SUGCT: variants seen among roughly 807,000 people sequenced by gnomAD.
SUGCT encodes the protein succinyl-CoA:glutarate-CoA transferase.
A neutral mutation model predicts 55.0 loss-of-function variants in SUGCT; 41 were observed. The observed-to-expected ratio is 0.74, with a 90% CI of 0.58 to 0.97. SUGCT has a LOEUF of 0.97. Among genes scored for constraint, SUGCT ranks in the 50% least tolerant of loss-of-function variants. The pLI is 0.00. For synonymous variants in SUGCT, 187 were observed against 200.4 expected (o/e 0.93, Z 0.56); for missense variants, 568 against 547.8 (o/e 1.04, Z -0.37).
chr7:40,846,207 T>A (rs1473547781), intron 13 of SUGCT, among the ~76,000 whole-genome samples: 1 of 152,178 alleles, frequency 6.6e-6, no homozygotes, highest in Non-Finnish European at 1.5e-5. Flanking sequence ...CCAAACAAAG[T>A]CTTGGGAATG....
At chr7:40,303,397 A>G (rs532431092) in intron 8 of SUGCT, among the ~76,000 whole-genome samples, 1 of 151,410 alleles carries the variant, frequency 6.6e-6, no homozygotes, top group East Asian at 2.0e-4. Flanking sequence ...AAACATTGGA[A>G]CTCTCTTTGT....
intron 12 of SUGCT, among the ~76,000 whole-genome samples, chr7:40,660,366 C>G (rs1801242284): frequency 6.6e-6 from 1 of 152,158 alleles, no homozygotes; most frequent in Non-Finnish European, 1.5e-5. Context: ...TGAAGCAATT[C>G]TCCTGCCTCA....
chr7:40,291,370 C>T (rs1245828265), intron 8 of SUGCT, among the ~76,000 whole-genome samples: 1 of 150,688 alleles, frequency 6.6e-6, no homozygotes, highest in Non-Finnish European at 1.5e-5. Context: ...ATGGATGAAA[C>T]TGGAAACCAT....
chr7:40,801,204 C>T (rs139049868), intron 13 of SUGCT, among the ~76,000 whole-genome samples: 1,559 of 152,286 alleles, frequency 0.01, 17 homozygotes, highest in South Asian at 0.016. Context: ...TGAAGACCTT[C>T]GTTACTTCTA....
the SUGCT span, among the ~76,000 whole-genome samples, chr7:40,896,769 G>A: frequency 1.9e-4 from 29 of 152,120 alleles, no homozygotes; most frequent in African/African-American, 7.0e-4. Context: ...TGTGAGAATG[G>A]ACTAATACAC....
At chr7:40,919,632 T>G in the SUGCT span, among the ~76,000 whole-genome samples, 1 of 152,146 alleles carries the variant, frequency 6.6e-6, no homozygotes, top group Non-Finnish European at 1.5e-5. Context: ...GTTTCTTAAT[T>G]TATCTTTTAT....
intron 13 of SUGCT, among the ~76,000 whole-genome samples, chr7:40,776,871 C>T (rs1382234097): frequency 6.6e-6 from 1 of 152,174 alleles, no homozygotes; most frequent in Non-Finnish European, 1.5e-5. Flanking sequence ...AGGGCCCTAC[C>T]AGTCATTTGG....
intron 9 of SUGCT, among the ~76,000 whole-genome samples, chr7:40,377,198 CT>C (rs376287161): frequency 0.58 from 9,535 of 16,378 alleles, 3,883 homozygotes; most frequent in Middle Eastern, 0.86. Flanking sequence ...TTCTTTCTTT[CT>C]TTTCTTTTCT....
chr7:40,809,244 A>G (rs933973064), intron 13 of SUGCT, among the ~76,000 whole-genome samples: 1 of 152,166 alleles, frequency 6.6e-6, no homozygotes, highest in African/African-American at 2.4e-5. Flanking sequence ...GAATATTGTA[A>G]GTGCTAAGTC....
intron 6 of SUGCT, among the ~76,000 whole-genome samples, chr7:40,217,027 T>C (rs1787704090): frequency 6.6e-6 from 1 of 152,082 alleles, no homozygotes; most frequent in Admixed American, 6.6e-5. Context: ...CTCAGTCTTA[T>C]ATTGAATGGC....
chr7:40,341,490 C>A (rs2151177764), intron 9 of SUGCT, among the ~76,000 whole-genome samples: 1 of 152,264 alleles, frequency 6.6e-6, no homozygotes, highest in East Asian at 1.9e-4. Context: ...CTTGGGATTT[C>A]TGCTGGGCCT....
intron 12 of SUGCT, among the ~76,000 whole-genome samples, chr7:40,564,928 A>C (rs1230875310): frequency 3.3e-5 from 5 of 152,188 alleles, no homozygotes; most frequent in Non-Finnish European, 7.3e-5. Flanking sequence ...CTAGGTAAAA[A>C]TCACTTGCTA....
In SUGCT at chr7:40,348,927, A is replaced by G. The variant is rs111459409; in HGVS notation, c.816+32072A>G. ...TATTTCCCTGAGTTGTTTTGAGTGGATAAGCAGACACTTTTTATAATTTGC... is the reference window on the plus strand; with the variant it reads ...TATTTCCCTGAGTTGTTTTGAGTGGGTAAGCAGACACTTTTTATAATTTGC... On this transcript the variant is annotated intron_variant, in intron 9 of 13. Coordinates refer to ENST00000335693, the MANE Select transcript of SUGCT (RefSeq NM_001193313.2). 1.9e-3 allele frequency among the ~76,000 whole-genome samples: 294 copies of G among 152,026 alleles called. 1 individual carries two copies. Among genetic ancestry groups the G allele is most frequent in the African/African-American group, 6.7e-3 (276 of 41,462 alleles).
At chr7:40,733,327 C>A (rs1481005692) in intron 12 of SUGCT, among the ~76,000 whole-genome samples, 1 of 152,102 alleles carries the variant, frequency 6.6e-6, no homozygotes, top group African/African-American at 2.4e-5. Flanking sequence ...TATCAGTGAC[C>A]CTGCTCTACT....
chr7:40,996,393 C>T, the SUGCT span, among the ~76,000 whole-genome samples: 16 of 152,164 alleles, frequency 1.1e-4, no homozygotes, highest in African/African-American at 2.7e-4. Flanking sequence ...TTCCATTTCC[C>T]GGTCACAGTT....
At chr7:40,186,153 CT>C (rs1415647840) in intron 3 of SUGCT, among the ~76,000 whole-genome samples, 4 of 140,988 alleles carry the variant, frequency 2.8e-5, no homozygotes, top group Non-Finnish European at 6.0e-5. Flanking sequence ...CTCTCTCCTT[CT>C]TTTCCTTCCT....
chr7:40,406,286 AT>A (rs758722539), intron 9 of SUGCT, among the ~76,000 whole-genome samples: 3 of 152,062 alleles, frequency 2.0e-5, no homozygotes, highest in African/African-American at 4.8e-5. Context: ...CAATGGTAAT[AT>A]TATATATAGG....
intron 9 of SUGCT, among the ~76,000 whole-genome samples, chr7:40,347,434 A>G (rs1797374706): frequency 1.3e-5 from 2 of 152,220 alleles, no homozygotes; most frequent in Non-Finnish European, 2.9e-5. Context: ...CTTGCAAGAC[A>G]TGAAACTGGT....
At chr7:40,656,737 C>T (rs931664439) in intron 12 of SUGCT, among the ~76,000 whole-genome samples, 5 of 152,130 alleles carry the variant, frequency 3.3e-5, no homozygotes, top group African/African-American at 1.2e-4. Flanking sequence ...GCACTGTTCT[C>T]GAAACATTAG....
Sources: gnomAD v4.1 joint callset for allele counts (sites outside exome capture counted in the v4.1 genomes callset) on GRCh38, gnomAD v4.1.1 for gene constraint, MANE v1.5 for transcripts, NCBI Gene and HGNC (gene_info 2026-07-23, HGNC 2026-07-21) for gene names.